The following EPM2A variants were observed in gnomAD, a reference collection of about 807,000 sequenced individuals.
EPM2A encodes laforin.
EPM2A carries 21 observed loss-of-function variants against 26.5 expected under a neutral mutation model. The ratio of observed to expected loss-of-function variants is 0.79; its 90% CI spans 0.56 to 1.14. The LOEUF (loss-of-function observed/expected upper bound fraction) is 1.14, where lower values mean the gene tolerates loss of function less well. Ranked by LOEUF, EPM2A falls within the 50% of genes most tolerant of loss-of-function variation. The pLI is 0.00. For missense variants in EPM2A, 458 were observed against 440.8 expected (o/e 1.04, Z -0.35); for synonymous variants, 217 against 177.6 (o/e 1.22, Z -1.76).
At chr6:145,565,580 G>A (rs751256903) in intron 2 of EPM2A, among the ~76,000 whole-genome samples, 1 of 152,190 alleles carries the variant, frequency 6.6e-6, no homozygotes, top group East Asian at 1.9e-4. Flanking sequence ...CCAGGGCCAT[G>A]ACCAAGAAAC....
rs146367514 is a variant in EPM2A, at chr6:145,426,037, T to C, written c.556-41940A>G. Among the ~76,000 whole-genome samples the C allele has an allele frequency of 1.4e-3, 212 of 152,346 alleles. 1 individual carries two copies. The highest frequency in any genetic ancestry group is 4.9e-3 in the African/African-American group (202 of 41,592). On this transcript the variant is annotated intron_variant, in intron 4 of 4. Coordinates refer to the EPM2A transcript ENST00000638717. ...AATCTTTATACAATTTTTAAAATTA[T>C]GAATAAACTTTGTAAAAATATAGCA...
intron 4 of EPM2A, among the ~76,000 whole-genome samples, chr6:145,399,298 A>G (rs1045410303): frequency 2.6e-5 from 4 of 152,210 alleles, no homozygotes; most frequent in African/African-American, 9.6e-5. Flanking sequence ...ATGTGACATA[A>G]GAGCTGATCC....
chr6:145,696,186 GA>G, intron 1 of EPM2A, among the ~76,000 whole-genome samples: 1 of 152,166 alleles, frequency 6.6e-6, no homozygotes, highest in East Asian at 1.9e-4. Flanking sequence ...ATAAGTCAAA[GA>G]AGGAATCAAA....
At chr6:145,504,986 A>G (rs1054201658) in intron 2 of EPM2A, among the ~76,000 whole-genome samples, 151 of 105,372 alleles carry the variant, frequency 1.4e-3, no homozygotes, top group African/African-American at 5.0e-3. Context: ...TCAGTAAACT[A>G]TCGCAAGAAC....
chr6:145,730,799 G>A (rs890412312), intron 1 of EPM2A, among the ~76,000 whole-genome samples: 8 of 152,172 alleles, frequency 5.3e-5, no homozygotes, highest in Admixed American at 2.0e-4. Context: ...CAGATGTTAC[G>A]AGAAAGAATC....
intron 2 of EPM2A, among the ~76,000 whole-genome samples, chr6:145,538,128 G>A (rs185516834): frequency 2.1e-4 from 32 of 152,250 alleles, no homozygotes; most frequent in Admixed American, 6.5e-4. Flanking sequence ...CCAGTAATGG[G>A]ATTGCTGGGT....
At chr6:145,697,299 G>T (rs1781652266) in intron 1 of EPM2A, among the ~76,000 whole-genome samples, 1 of 152,082 alleles carries the variant, frequency 6.6e-6, no homozygotes, top group Admixed American at 6.6e-5. Context: ...AAAGGGGAGG[G>T]AGTGTACCAA....
chr6:145,667,964 T>C (rs1186427941), intron 2 of EPM2A, among the ~76,000 whole-genome samples: 1 of 143,064 alleles, frequency 7.0e-6, no homozygotes, highest in East Asian at 2.1e-4. Flanking sequence ...AATTAAACAA[T>C]GAGATCACAT....
chr6:145,567,056 G>A (rs1281762729), intron 2 of EPM2A, among the ~76,000 whole-genome samples: 1 of 152,082 alleles, frequency 6.6e-6, no homozygotes, highest in Non-Finnish European at 1.5e-5. Context: ...CATGTACTAG[G>A]CCCCATCCTA....
At chr6:145,691,021 C>T (rs916414944) in intron 1 of EPM2A, among the ~76,000 whole-genome samples, 1 of 145,544 alleles carries the variant, frequency 6.9e-6, no homozygotes, top group African/African-American at 2.5e-5. Flanking sequence ...GTACTATTAA[C>T]AGAAGATCTA....
chr6:145,621,726 C>G (rs569415493), downstream of EPM2A, among the ~76,000 whole-genome samples: 1 of 152,072 alleles, frequency 6.6e-6, no homozygotes, highest in South Asian at 2.1e-4. Context: ...TACCTCTTAG[C>G]CATTTGTATG....
chr6:145,628,667 C>T (rs1454464462), intron 3 of EPM2A: 1 of 152,240 alleles, frequency 6.6e-6, no homozygotes, highest in Non-Finnish European at 1.5e-5. Context: ...TACAGGAACA[C>T]AGTGGCCCGA....
In EPM2A at chr6:145,726,516, G is replaced by A. The variant is rs190431984; in HGVS notation, c.301+8682C>T. Among the ~76,000 whole-genome samples the A allele has an allele frequency of 4.3e-3, 661 of 152,140 alleles. 5 individuals carry two copies. Among genetic ancestry groups the A allele is most frequent in the African/African-American group, 0.014 (573 of 41,530 alleles). On this transcript the variant is annotated intron_variant, in intron 1 of 3. Coordinates refer to ENST00000367519, the MANE Select transcript of EPM2A (RefSeq NM_005670.4). ...GGGAAAACACAACTTTTACAGCAGA[G>A]AAAACTAACAAATATGACTTCAACT...
chr6:145,423,953 C>G (rs1778821409), intron 4 of EPM2A, among the ~76,000 whole-genome samples: 1 of 152,134 alleles, frequency 6.6e-6, no homozygotes, highest in Non-Finnish European at 1.5e-5. Flanking sequence ...GAATCTCTGC[C>G]AGAAACCAGA....
chr6:145,420,817 A>G (rs1476553036), intron 4 of EPM2A, among the ~76,000 whole-genome samples: 20 of 152,104 alleles, frequency 1.3e-4, no homozygotes, highest in Non-Finnish European at 1.5e-5. Context: ...AGAAGGTGAA[A>G]GGGTAAGACA....
intron 4 of EPM2A, among the ~76,000 whole-genome samples, chr6:145,399,576 G>A (rs1050514968): frequency 8.5e-5 from 13 of 152,238 alleles, no homozygotes; most frequent in African/African-American, 2.9e-4. Flanking sequence ...TCAAATTGCT[G>A]AAAAGAGTGC....
At chr6:145,620,185 G>A (rs1173704757) in intron 2 of EPM2A, among the ~76,000 whole-genome samples, 3 of 152,220 alleles carry the variant, frequency 2.0e-5, no homozygotes, top group African/African-American at 7.2e-5. Context: ...ACAGGGAGGC[G>A]AGGGGAGTAT....
At chr6:145,386,051 T>C (rs73785024) in intron 4 of EPM2A, among the ~76,000 whole-genome samples, 7,638 of 152,126 alleles carry the variant, frequency 0.05, 446 homozygotes, top group African/African-American at 0.14. Flanking sequence ...TGAACAAAAT[T>C]GCTAAAGAGC....
chr6:145,635,010 C>T (rs1203404830), intron 3 of EPM2A: 4 of 450,140 alleles, frequency 8.9e-6, no homozygotes, highest in Admixed American at 3.4e-5. Flanking sequence ...AGCATAATGC[C>T]GCATACCCAG....
Sources: gnomAD v4.1 joint callset for allele counts (sites outside exome capture counted in the v4.1 genomes callset) on GRCh38, gnomAD v4.1.1 for gene constraint, MANE v1.5 for transcripts, NCBI Gene and HGNC (gene_info 2026-07-23, HGNC 2026-07-21) for gene names.